The following C2CD5 variants were observed in gnomAD, a reference collection of about 807,000 sequenced individuals.
The protein encoded by C2CD5 is C2 domain-containing protein 5.
C2CD5 carries 109 observed loss-of-function variants against 130.3 expected under a neutral mutation model. That is an observed-to-expected ratio of 0.84 (90% CI 0.72 to 0.98). The LOEUF (loss-of-function observed/expected upper bound fraction) is 0.98. Among genes scored for constraint, C2CD5 ranks in the 50% least tolerant of loss-of-function variants. The pLI, the probability that C2CD5 is intolerant of heterozygous loss-of-function variation, is 0.00. For synonymous variants in C2CD5, 454 were observed against 429.2 expected (o/e 1.06, Z -0.71); for missense variants, 996 against 1,261.8 (o/e 0.79, Z 3.19).
Position 22,544,166 on chromosome 12 carries a change from CTCT to C in C2CD5, c.-19_-17del, listed in dbSNP as rs1565831120. On this transcript the variant is annotated 5_prime_UTR_variant, in exon 2 of 27. Transcript: ENST00000446597. ...TCCCTGGCATGGTCTCGGTTTCGGCCTCTTCTTGGGCTCCTGCAGAAACAAACA... is the reference window on the plus strand; with the variant it reads ...TCCCTGGCATGGTCTCGGTTTCGGCCTCTTGGGCTCCTGCAGAAACAAACA... The C allele has an allele frequency of 1.2e-6, 2 of 1,613,318 alleles. No homozygotes were observed. The highest frequency in any genetic ancestry group is 2.7e-5 in the African/African-American group (2 of 75,010).
intron 22 of C2CD5, among the ~76,000 whole-genome samples, chr12:22,468,739 G>A (rs1942511134): frequency 6.6e-6 from 1 of 152,110 alleles, no homozygotes; most frequent in South Asian, 2.1e-4. Flanking sequence ...TCTGGAAGCA[G>A]CTTATTTTTC....
At chr12:22,456,516 CACTA>C (rs1385511823) in intron 25 of C2CD5, among the ~76,000 whole-genome samples, 7 of 152,308 alleles carry the variant, frequency 4.6e-5, no homozygotes, top group African/African-American at 1.7e-4. Context: ...CATCCTCATA[CACTA>C]ACTGAGAGAG....
At position 22,535,261 on chromosome 12, in the gene C2CD5, A is replaced by C; in HGVS notation, c.174T>G (p.Phe58Leu). The C allele has an allele frequency of 1.3e-6, 2 of 1,586,992 alleles. No individual in the cohort carries two copies. The highest frequency in any genetic ancestry group is 3.4e-5 in the Admixed American group (2 of 59,460). ...ATGCTGACATTTAAAAACTTACCTC[A>C]AATTTAAACCACTCCGAGTTCCACT... ...NPQWNSEWFK[F>L]EVDDEDLQDE... Residue 58 changes from phenylalanine to leucine, a missense_variant, in exon 3 of 27, where the codon TTT (phenylalanine) becomes TTG (leucine). Physicochemically the swap from Phe to Leu is conservative, Grantham distance 22. Around this residue, in one of 9 missense-constraint regions of C2CD5, gnomAD observed 68 missense variants for 154.5 expected, o/e 0.44. Transcript: ENST00000446597.
chr12:22,478,461 T>G lies in C2CD5; in HGVS notation c.1754A>C (p.Tyr585Ser). The change falls in exon 15 of 27, where the codon TAT (tyrosine) becomes TCT (serine). Residue 585 changes from tyrosine to serine, a missense_variant. By Grantham distance (144) the Tyr-to-Ser change is moderately radical. Transcript: ENST00000446597. ...ACCAGGAGTTGGTAAAGCTGCTAAA[T>G]ACACACCTGTGGCAGACTTGTAAAA... ...LMGLASATGV[Y>S]LAALPTPGGI... 6.2e-7 allele frequency: 1 copy of G among 1,613,524 alleles called. No homozygotes were observed. Among genetic ancestry groups the G allele is most frequent in the Non-Finnish European group, 8.5e-7 (1 of 1,179,646 alleles).
At chr12:22,534,309 T>TA (rs1202109443) in intron 3 of C2CD5, among the ~76,000 whole-genome samples, 2 of 152,132 alleles carry the variant, frequency 1.3e-5, no homozygotes, top group African/African-American at 4.8e-5. Flanking sequence ...AACATAGGGG[T>TA]AATCTTCATG....
intron 14 of C2CD5, among the ~76,000 whole-genome samples, 170 bp downstream of exon 14, chr12:22,482,387 T>C (rs754270835): frequency 6.6e-6 from 1 of 152,214 alleles, no homozygotes; most frequent in Admixed American, 6.5e-5. Context: ...CTTTAAAATA[T>C]GTGAAAACCT....
intron 11 of C2CD5, among the ~76,000 whole-genome samples, chr12:22,491,664 G>A (rs1360848541): frequency 1.3e-5 from 2 of 152,054 alleles, no homozygotes; most frequent in Non-Finnish European, 1.5e-5. Flanking sequence ...ACGAGGTCAG[G>A]AGTTCGAGAT....
chr12:22,496,877 G>A (rs1296767913), intron 10 of C2CD5, among the ~76,000 whole-genome samples: 2 of 151,962 alleles, frequency 1.3e-5, no homozygotes, highest in African/African-American at 4.8e-5. Context: ...CACTTAGGTT[G>A]ACATCAGAAT....
At chr12:22,466,490 G>T (rs1181171781) in intron 22 of C2CD5, among the ~76,000 whole-genome samples, 1 of 151,994 alleles carries the variant, frequency 6.6e-6, no homozygotes, top group East Asian at 1.9e-4. Flanking sequence ...CCGCTAAATT[G>T]CTATTTTTGA....
At chr12:22,503,856 T>A (rs1042273609) in intron 10 of C2CD5, among the ~76,000 whole-genome samples, 7 of 152,166 alleles carry the variant, frequency 4.6e-5, no homozygotes, top group Non-Finnish European at 1.0e-4. Flanking sequence ...ACCATTAGAA[T>A]AATTACACAT....
At chr12:22,519,026 C>T (rs1950030577) in intron 7 of C2CD5, 2 of 1,139,104 alleles carry the variant, frequency 1.8e-6, no homozygotes, top group Non-Finnish European at 2.4e-6. Flanking sequence ...ATTTATGGTA[C>T]CTGCCTACAC....
rs938801282 is a variant in C2CD5 at position 22,470,902 on chromosome 12, T to C, written c.2368A>G (p.Thr790Ala). Residue 790 changes from threonine to alanine, a missense_variant, in exon 21 of 27, where the codon ACG becomes GCG. Around this residue, in one of 9 missense-constraint regions of C2CD5, gnomAD observed 590 missense variants for 631.4 expected, o/e 0.93. Coordinates refer to ENST00000446597, the MANE Select transcript of C2CD5 (RefSeq NM_001286176.2). ...TTGTCAAAAGTGATTGCGACTGCCG[T>C]GACTGTAACCTAGAATTATAAAAAC... ...PEDELIQVTV[T>A]AVAITFDKNQ... 1.3e-5 allele frequency: 21 copies of C among 1,609,228 alleles called. No homozygotes were observed. The Admixed American group carries it at 2.5e-4, about 19-fold the overall frequency.
Position 22,474,910 on chromosome 12 carries a change from T to C in C2CD5, c.1903-19A>G, listed in dbSNP as rs781076198. On this transcript the variant is annotated intron_variant, in intron 15 of 26. Transcript: ENST00000446597. ...ATATCTCCTAAAAGAAATATAATTG[T>C]TTTATATCATATGAGATTGTCTTTT... is the stretch of plus-strand genomic sequence containing the variant. 8.6e-6 allele frequency: 13 copies of C among 1,515,112 alleles called. No individual in the cohort carries two copies. The highest frequency in any genetic ancestry group is 7.0e-5 in the African/African-American group (5 of 71,354). The allele number at this position is 1,515,112 out of a possible 1,614,324, so 93.9% of individuals were successfully genotyped here.
intron 25 of C2CD5, among the ~76,000 whole-genome samples, chr12:22,455,845 C>T (rs1487771642): frequency 2.0e-5 from 3 of 151,886 alleles, no homozygotes; most frequent in African/African-American, 7.3e-5. Flanking sequence ...CCACCATGCC[C>T]GGCTAATTTT....
At chr12:22,511,173 G>GAAAAA (rs145915898) in intron 9 of C2CD5, among the ~76,000 whole-genome samples, 1 of 69,114 alleles carries the variant, frequency 1.4e-5, no homozygotes, top group African/African-American at 4.2e-5. Flanking sequence ...CTTTCCTCAA[G>GAAAAA]AAAAAAAAAA....
At chr12:22,515,091 C>A in intron 8 of C2CD5, 1 of 985,100 alleles carries the variant, frequency 1.0e-6, no homozygotes, top group Non-Finnish European at 1.2e-6. Flanking sequence ...TGAAGGGAAC[C>A]ACAAGAGAGA....
In C2CD5 at chr12:22,502,852, G is replaced by A. The variant is rs12314879; in HGVS notation, c.1147+3859C>T. ...GTAGATCAGTTTTAGGTGCAGAATA[G>A]TAGGAATAAAACAAAAAACACTACA... On this transcript the variant is annotated intron_variant, in intron 10 of 26. Coordinates refer to ENST00000446597, the MANE Select transcript of C2CD5 (RefSeq NM_001286176.2). The A allele has an allele frequency of 8.6e-3, 9,460 of 1,098,368 alleles. 584 individuals carry two copies. The African/African-American group carries it at 0.13, about 15-fold the overall frequency. The allele number at this position is 1,098,368 out of a possible 1,614,324, so 68.0% of individuals were successfully genotyped here.
intron 11 of C2CD5, among the ~76,000 whole-genome samples, chr12:22,492,393 A>G (rs545380252): frequency 7.2e-5 from 11 of 152,308 alleles, no homozygotes; most frequent in African/African-American, 2.6e-4. Context: ...AGCAAATGAT[A>G]TTGGTAGAAA....
chr12:22,490,090 C>T lies in C2CD5; in HGVS notation c.1358+33G>A, dbSNP rs767050807. ...AAAGTCGACCTCTCCCTTCTCTGCC[C>T]TTATAGAAAATAAGCCAGGCTGCCA... On this transcript the variant is annotated intron_variant, in intron 12 of 26. Coordinates refer to ENST00000446597, the MANE Select transcript of C2CD5 (RefSeq NM_001286176.2). The T allele has an allele frequency of 5.2e-6, 8 of 1,532,408 alleles. No individual in the cohort carries two copies. The Admixed American group carries it at 1.2e-4, about 23-fold the overall frequency. The allele number at this position is 1,532,408 out of a possible 1,614,324, so 94.9% of individuals were successfully genotyped here.
Sources: allele counts gnomAD v4.1 joint callset (sites outside exome capture counted in the v4.1 genomes callset), GRCh38; gene constraint gnomAD v4.1.1; regional missense constraint gnomAD v4.1.1; transcripts MANE v1.5; gene names NCBI Gene and HGNC (gene_info 2026-07-23, HGNC 2026-07-21).